The following PHACTR1 variants were observed in gnomAD, a reference collection of about 807,000 sequenced individuals.
PHACTR1 encodes phosphatase and actin regulator 1.
Under a neutral mutation model 69.2 loss-of-function variants are expected in PHACTR1, and 16 were observed. That is an observed-to-expected ratio of 0.23 (90% confidence interval 0.16 to 0.35). The LOEUF (loss-of-function observed/expected upper bound fraction) is 0.35. PHACTR1 is among the 10% of genes least tolerant of loss of function. The pLI, the probability that PHACTR1 is intolerant of heterozygous loss-of-function variation, is 1.00. For missense variants in PHACTR1, 510 were observed against 734.7 expected (o/e 0.69, Z 3.54); for synonymous variants, 312 against 284.5 (o/e 1.10, Z -0.97).
chr6:12,866,641 T>C (rs1781488488), intron 4 of PHACTR1, among the ~76,000 whole-genome samples: 2 of 152,166 alleles, frequency 1.3e-5, no homozygotes, highest in South Asian at 4.1e-4. Flanking sequence ...GAAGTCATAT[T>C]CACAACGTAC....
intron 4 of PHACTR1, among the ~76,000 whole-genome samples, chr6:13,041,339 T>TACACACACACACACACACACACAC (rs368368056): frequency 1.5e-5 from 2 of 135,366 alleles, no homozygotes; most frequent in East Asian, 2.3e-4. Flanking sequence ...TTAAAATACA[T>TACACACACACACACACACACACAC]ACACACACAC....
chr6:13,062,019 T>C (rs1375308103), intron 5 of PHACTR1, among the ~76,000 whole-genome samples: 1 of 152,182 alleles, frequency 6.6e-6, no homozygotes, highest in Non-Finnish European at 1.5e-5. Flanking sequence ...TCATCTTCCA[T>C]GCAGTTGGGA....
At chr6:13,134,335 G>A (rs1029917693) in intron 5 of PHACTR1, among the ~76,000 whole-genome samples, 1 of 152,258 alleles carries the variant, frequency 6.6e-6, no homozygotes, top group African/African-American at 2.4e-5. Flanking sequence ...GACGATGGCG[G>A]TTTTGTCGAG....
chr6:13,163,940 CATT>C (rs1292642360), intron 6 of PHACTR1, among the ~76,000 whole-genome samples: 1 of 152,162 alleles, frequency 6.6e-6, no homozygotes, highest in Non-Finnish European at 1.5e-5. Context: ...TCATCATCAT[CATT>C]GTCCTTTATA....
chr6:12,841,811 T>C (rs1406132157), intron 4 of PHACTR1, among the ~76,000 whole-genome samples: 1 of 152,208 alleles, frequency 6.6e-6, no homozygotes, highest in Non-Finnish European at 1.5e-5. Flanking sequence ...TCCTGGTTTA[T>C]CTGCAGTATC....
chr6:13,151,516 A>G (rs1401687476), intron 5 of PHACTR1, among the ~76,000 whole-genome samples: 2 of 152,256 alleles, frequency 1.3e-5, no homozygotes, highest in African/African-American at 4.8e-5. Flanking sequence ...CTGAACAAGT[A>G]TGAACACAGT....
intron 4 of PHACTR1, among the ~76,000 whole-genome samples, chr6:12,763,280 C>G (rs891392506): frequency 2.0e-5 from 3 of 152,076 alleles, no homozygotes; most frequent in Non-Finnish European, 2.9e-5. Context: ...TAAATGACAA[C>G]ATGTATTAAG....
intron 4 of PHACTR1, among the ~76,000 whole-genome samples, chr6:12,908,586 G>T (rs1786015656): frequency 6.6e-6 from 1 of 152,228 alleles, no homozygotes; most frequent in Admixed American, 6.5e-5. Context: ...TCTGGCAAAG[G>T]AGGTGAAGTG....
intron 3 of PHACTR1, among the ~76,000 whole-genome samples, chr6:12,744,316 C>T (rs1419422326): frequency 6.6e-6 from 1 of 152,170 alleles, no homozygotes; most frequent in Non-Finnish European, 1.5e-5. Context: ...ATTCTCATTG[C>T]ACTTATGCAA....
At chr6:12,874,017 T>G (rs1029449885) in intron 4 of PHACTR1, among the ~76,000 whole-genome samples, 3 of 152,244 alleles carry the variant, frequency 2.0e-5, no homozygotes, top group Admixed American at 2.0e-4. Context: ...TCTAGCACTT[T>G]ACAGAAAATG....
At position 13,206,022 on chromosome 6, in the gene PHACTR1, G is replaced by T. The variant is rs1286288500; in HGVS notation, c.872G>T (p.Ser291Ile). 1 of 1,613,832 alleles carries T rather than the reference G, an allele frequency of 6.2e-7. No homozygotes were observed. The highest frequency in any genetic ancestry group is 8.5e-7 in the Non-Finnish European group (1 of 1,179,888). Residue 291 changes from serine (S) to isoleucine (I), a missense_variant, in exon 8 of 15, where the codon AGC becomes ATC. Transcript: ENST00000332995. ...ATCCAGCACCAGCTGCAGTACGGCA[G>T]CCACGGCCAGCACCTCCCCTCCACC... Reference protein sequence around the residue: ...SQIQHQLQYGSHGQHLPSTTG... With the variant: ...SQIQHQLQYGIHGQHLPSTTG...
chr6:12,864,554 C>A (rs1781263929), intron 4 of PHACTR1, among the ~76,000 whole-genome samples: 1 of 152,028 alleles, frequency 6.6e-6, no homozygotes, highest in Non-Finnish European at 1.5e-5. Flanking sequence ...GTGGTGGGCA[C>A]CTGTAGTCCC....
At chr6:13,238,687 C>T (rs4715183) in intron 10 of PHACTR1, among the ~76,000 whole-genome samples, 19,990 of 152,066 alleles carry the variant, frequency 0.13, 1,881 homozygotes, top group Admixed American at 0.24. Context: ...AAAATTGGTG[C>T]GGTGAGTCTG....
chr6:13,221,310 T>C (rs1172234153), intron 8 of PHACTR1, among the ~76,000 whole-genome samples: 3 of 152,262 alleles, frequency 2.0e-5, no homozygotes, highest in East Asian at 1.9e-4. Flanking sequence ...GAGGCACCTC[T>C]TAATCCATGC....
chr6:13,124,955 G>GA (rs1244371706), intron 5 of PHACTR1, among the ~76,000 whole-genome samples: 1 of 152,190 alleles, frequency 6.6e-6, no homozygotes, highest in East Asian at 1.9e-4. Context: ...CCCAAATCTT[G>GA]AGATTCAAAC....
At chr6:12,914,818 G>T (rs1786795255) in intron 4 of PHACTR1, among the ~76,000 whole-genome samples, 1 of 152,206 alleles carries the variant, frequency 6.6e-6, no homozygotes, top group Non-Finnish European at 1.5e-5. Context: ...AAGTAGGCAA[G>T]TCAGGACAAA....
intron 5 of PHACTR1, among the ~76,000 whole-genome samples, chr6:13,106,611 G>C (rs574430757): frequency 6.6e-6 from 1 of 152,188 alleles, no homozygotes; most frequent in East Asian, 1.9e-4. Context: ...CTAAGGAGCT[G>C]GGACTACAGG....
intron 4 of PHACTR1, among the ~76,000 whole-genome samples, chr6:12,758,111 C>CTAAAAAAA (rs1767572410): frequency 6.6e-6 from 1 of 150,398 alleles, no homozygotes; most frequent in African/African-American, 2.4e-5. Flanking sequence ...AACTCTGTCT[C>CTAAAAAAA]AAAAAAAATG....
intron 5 of PHACTR1, among the ~76,000 whole-genome samples, chr6:13,113,646 A>G (rs1439437131): frequency 2.6e-5 from 4 of 152,184 alleles, no homozygotes; most frequent in Non-Finnish European, 5.9e-5. Context: ...AAAACCAGAT[A>G]CCACACAAAA....
Sources: allele counts gnomAD v4.1 joint callset (sites outside exome capture counted in the v4.1 genomes callset), GRCh38; gene constraint gnomAD v4.1.1; transcripts MANE v1.5; gene names NCBI Gene and HGNC (gene_info 2026-07-23, HGNC 2026-07-21).